The following RANGAP1 variants were observed in gnomAD, a reference collection of about 807,000 sequenced individuals.
RANGAP1 encodes Ran GTPase activating protein 1.
Under a neutral mutation model 63.5 loss-of-function variants are expected in RANGAP1, and 38 were observed. The ratio of observed to expected loss-of-function variants is 0.60; its 90% confidence interval spans 0.46 to 0.78. RANGAP1 has a LOEUF of 0.78. RANGAP1 is among the 30% of genes least tolerant of loss of function. The pLI, the probability that RANGAP1 is intolerant of heterozygous loss-of-function variation, is 0.00. For synonymous variants in RANGAP1, 329 were observed against 310.5 expected (o/e 1.06, Z -0.63); for missense variants, 630 against 740.3 (o/e 0.85, Z 1.73).
At position 41,252,968 on chromosome 22, in the gene RANGAP1, G is replaced by C; in HGVS notation, c.1284C>G (p.Ser428=). The C allele has an allele frequency of 1.3e-6, 2 of 1,534,592 alleles. No individual in the cohort carries two copies. Among genetic ancestry groups the C allele is most frequent in the East Asian group, 5.1e-5 (2 of 39,172 alleles). Residue 428 remains serine, a synonymous_variant, in exon 12 of 16, where the codon TCC becomes TCG. Coordinates refer to ENST00000356244, the MANE Select transcript of RANGAP1 (RefSeq NM_002883.4). ...AGGTGGAGACGTCTGCAGGAGGTGG[G>C]GAGGACAGCACGGGAGCTGGCTCCT... The part of the protein sequence containing the change: ...NTGEPAPVLS[S]PPPADVSTFL...
Position 41,254,452 on chromosome 22 carries a change from T to G in RANGAP1, c.1116A>C (p.Glu372Asp), listed in dbSNP as rs770221456. 3 of 1,610,190 alleles carry G rather than the reference T, an allele frequency of 1.9e-6. No homozygotes were observed. The Admixed American group carries it at 5.0e-5, about 27-fold the overall frequency. ...CCTCCTCTTCTTCTGCTTCCTCTTC[T>G]TCCTCTTCTCCTTCCTCCTCCTCCT... ...DEEEEEEGEEEEEEAEEEEEE... is the reference protein window; with the variant it reads ...DEEEEEEGEEDEEEAEEEEEE... Residue 372 changes from glutamate to aspartate, a missense_variant, in exon 11 of 16, where the codon GAA (glutamate) becomes GAC (aspartate). Transcript: ENST00000356244.
chr22:41,252,652 C>G (rs1414334572), intron 12 of RANGAP1, among the ~76,000 whole-genome samples: 1 of 152,190 alleles, frequency 6.6e-6, no homozygotes, highest in African/African-American at 2.4e-5. Context: ...AACTGGCGGG[C>G]TGTACTTTCT....
chr22:41,267,275 C>T (rs1052616120), intron 4 of RANGAP1, among the ~76,000 whole-genome samples: 2 of 152,054 alleles, frequency 1.3e-5, no homozygotes, highest in South Asian at 4.2e-4. Context: ...GAGGCTGATG[C>T]GGGAGGACTG....
At chr22:41,265,794 A>C (rs910439239) in intron 4 of RANGAP1, among the ~76,000 whole-genome samples, 6 of 151,992 alleles carry the variant, frequency 3.9e-5, no homozygotes, top group Non-Finnish European at 8.8e-5. Context: ...TGGAAGGGAG[A>C]CTTTCTGCCC....
chr22:41,249,242 G>A, intron 15 of RANGAP1, 88 bp downstream of exon 15: 1 of 1,478,948 alleles, frequency 6.8e-7, no homozygotes, highest in Non-Finnish European at 9.0e-7. Flanking sequence ...CTGGGCTGGG[G>A]CTGGGCCTCC....
intron 5 of RANGAP1, among the ~76,000 whole-genome samples, chr22:41,264,418 A>G (rs1415422550): frequency 6.6e-6 from 1 of 152,202 alleles, no homozygotes; most frequent in African/African-American, 2.4e-5. Flanking sequence ...AGCAGGCTGG[A>G]GCAGGTATGC....
Position 41,254,410 on chromosome 22 carries a change from CTCT to C in RANGAP1, c.1155_1157del (p.Glu397del). ...CCTCCTCCTCCTCCTCTTCTTCCTC[CTCT>C]TCCTCATCTTCCTCCTCCTCTTCTT... On this transcript the variant is annotated inframe_deletion, in exon 11 of 16. Coordinates refer to ENST00000356244, the MANE Select transcript of RANGAP1 (RefSeq NM_002883.4). 1.2e-6 allele frequency: 2 copies of C among 1,613,426 alleles called. No homozygotes were observed. Among genetic ancestry groups the C allele is most frequent in the African/African-American group, 2.7e-5 (2 of 74,996 alleles).
At position 41,261,512 on chromosome 22, in the gene RANGAP1, C is replaced by T. The variant is rs768659036; in HGVS notation, c.549G>A (p.Lys183=). ...GACGGTTTCTGCCAGCCACAAAGAC[C>T]TTCAGGGCCAGAGGCTTGCCTTGGG... The part of the protein sequence containing the change: ...SSAQGKPLAL[K]VFVAGRNRLE... Residue 183 remains lysine (K), a synonymous_variant, in exon 6 of 16, where the codon AAG becomes AAA. Coordinates refer to ENST00000356244, the MANE Select transcript of RANGAP1 (RefSeq NM_002883.4). 1.8e-5 allele frequency: 29 copies of T among 1,614,138 alleles called. No homozygotes were observed. The highest frequency in any genetic ancestry group is 2.2e-5 in the Non-Finnish European group (26 of 1,180,060).
the RANGAP1 span, among the ~76,000 whole-genome samples, chr22:41,299,952 C>T: frequency 3.8e-4 from 58 of 151,946 alleles, no homozygotes; most frequent in African/African-American, 1.1e-3. Flanking sequence ...GGGGTTTCAC[C>T]GTGTTAGCCA....
chr22:41,289,759 G>T (rs2035816744), upstream of RANGAP1, among the ~76,000 whole-genome samples: 1 of 152,246 alleles, frequency 6.6e-6, no homozygotes, highest in Middle Eastern at 3.4e-3. Context: ...TGTAATCATG[G>T]CCTTTGACAG....
chr22:41,268,171 A>G lies in RANGAP1; in HGVS notation c.241-15T>C. 1 of 1,540,274 alleles carries G rather than the reference A, an allele frequency of 6.5e-7. No homozygotes were observed. The highest frequency in any genetic ancestry group is 1.2e-5 in the South Asian group (1 of 83,854). ...CAGTGGCAGCGCTGCAACGGAAAGA[A>G]GAGAAGAGTTAGCGGGAGAGAGACC... On this transcript the variant is annotated splice_polypyrimidine_tract_variant and intron_variant, in intron 3 of 15. Coordinates refer to ENST00000356244, the MANE Select transcript of RANGAP1 (RefSeq NM_002883.4).
chr22:41,252,941 G>T lies in RANGAP1; in HGVS notation c.1311C>A (p.Phe437Leu). 2 of 1,554,422 alleles carry T rather than the reference G, an allele frequency of 1.3e-6. No homozygotes were observed. Among genetic ancestry groups the T allele is most frequent in the Non-Finnish European group, 1.7e-6 (2 of 1,153,294 alleles). The change falls in exon 12 of 16, where the codon TTC (phenylalanine) becomes TTA (leucine). Residue 437 changes from phenylalanine to leucine, a missense_variant. Physicochemically the swap from Phe to Leu is conservative, Grantham distance 22. Transcript: ENST00000356244. ...GCTTCTCTGGAGAGGGAAAAGCCAG[G>T]AAGGTGGAGACGTCTGCAGGAGGTG... The part of the protein sequence containing the change: ...SSPPPADVST[F>L]LAFPSPEKLL...
intron 14 of RANGAP1, 71 bp downstream of exon 14, chr22:41,249,658 C>G (rs2033298747): frequency 1.3e-6 from 2 of 1,558,464 alleles, no homozygotes; most frequent in Non-Finnish European, 1.8e-6. Flanking sequence ...GGTTGGCGGG[C>G]ATGGCTGGGG....
the RANGAP1 span, among the ~76,000 whole-genome samples, chr22:41,299,081 C>T: frequency 1.1e-4 from 16 of 152,152 alleles, no homozygotes; most frequent in Admixed American, 1.0e-3. Flanking sequence ...TAATTATCTC[C>T]CAAAGGCCCC....
At chr22:41,301,551 C>G in the RANGAP1 span, 1 of 152,142 alleles carries the variant, frequency 6.6e-6, no homozygotes, top group African/African-American at 2.4e-5. Context: ...CGGGTGCTGC[C>G]GCGAGCGGCC....
the RANGAP1 span, among the ~76,000 whole-genome samples, chr22:41,295,543 C>A: frequency 1.3e-5 from 2 of 150,418 alleles, no homozygotes; most frequent in South Asian, 4.2e-4. Context: ...TCTCAAGTAC[C>A]CAGGGACACA....
At position 41,251,118 on chromosome 22, in the gene RANGAP1, A is replaced by T; in HGVS notation, c.1381-9T>A. 1 of 1,611,174 alleles carries T rather than the reference A, an allele frequency of 6.2e-7. No individual in the cohort carries two copies. The highest frequency in any genetic ancestry group is 8.5e-7 in the Non-Finnish European group (1 of 1,177,820). On this transcript the variant is annotated splice_polypyrimidine_tract_variant and intron_variant, in intron 12 of 15. Transcript: ENST00000356244. ...GGGTCAGACGTGTCAGTCTGAGGAC[A>T]AAAGAGACAATGGTTGGCCTGTGGC... is the stretch of plus-strand genomic sequence containing the variant.
chr22:41,267,978 C>T (rs2034580351), intron 4 of RANGAP1, 119 bp downstream of exon 4: 4 of 1,080,474 alleles, frequency 3.7e-6, no homozygotes, highest in Non-Finnish European at 4.1e-6. Flanking sequence ...TCCATTCCAG[C>T]AGCTCAGTCA....
chr22:41,254,828 C>T (rs377686501), intron 10 of RANGAP1, among the ~76,000 whole-genome samples: 19 of 152,064 alleles, frequency 1.2e-4, no homozygotes, highest in African/African-American at 2.9e-4. Flanking sequence ...AAAAATTAGC[C>T]GGGTGTGGTG....
Sources: gnomAD v4.1 joint callset for allele counts (sites outside exome capture counted in the v4.1 genomes callset) on GRCh38, gnomAD v4.1.1 for gene constraint, MANE v1.5 for transcripts, NCBI Gene and HGNC (gene_info 2026-07-23, HGNC 2026-07-21) for gene names.